The following ABCB7 variants were observed in gnomAD, a reference collection of about 807,000 sequenced individuals.
ABCB7 encodes ATP binding cassette subfamily B member 7, also known as iron-sulfur clusters transporter ABCB7, mitochondrial.
In ABCB7, 7 loss-of-function variants were observed where a neutral mutation model predicts 54.4. The observed-to-expected ratio is 0.13, with a 90% CI of 0.07 to 0.24. The LOEUF (loss-of-function observed/expected upper bound fraction) is 0.24. Ranked by LOEUF, ABCB7 falls within the 10% of genes least tolerant of loss-of-function variation. The probability of loss-of-function intolerance (pLI) is 1.00; values close to 1 mark genes in which losing one functional copy is unlikely to be tolerated. For missense variants in ABCB7, 356 were observed against 570.4 expected, an observed-to-expected ratio of 0.62 and a Z score of 3.83; for synonymous variants, 218 against 207.1, an observed-to-expected ratio of 1.05 and a Z score of -0.45.
chrX:75,125,194 A>C (rs989314931), intron 1 of ABCB7, among the ~76,000 whole-genome samples: 23 of 110,985 alleles, frequency 2.1e-4, no homozygotes, highest in African/African-American at 7.2e-4. Context: ...CATATCCCAA[A>C]CCCCCTGGTT....
chrX:75,124,589 A>T (rs1264551456), intron 1 of ABCB7, among the ~76,000 whole-genome samples: 1 of 112,169 alleles, frequency 8.9e-6, no homozygotes, highest in African/African-American at 3.2e-5. Context: ...ATTAAAAGTT[A>T]AGAAAAAACT....
At chrX:75,063,087 G>A (rs1461945240) in intron 13 of ABCB7, among the ~76,000 whole-genome samples, 2 of 111,473 alleles carry the variant, frequency 1.8e-5, no homozygotes, top group African/African-American at 3.3e-5. Flanking sequence ...CAAGGTCACC[G>A]AGCAAGAATC....
At chrX:75,106,805 G>C (rs995070952) in intron 3 of ABCB7, among the ~76,000 whole-genome samples, 4 of 111,514 alleles carry the variant, frequency 3.6e-5, no homozygotes, top group Non-Finnish European at 7.5e-5. Context: ...AAGGGATGCA[G>C]AGCACGATGG....
intron 15 of ABCB7, among the ~76,000 whole-genome samples, chrX:75,054,390 A>G (rs191241257): frequency 7.1e-4 from 79 of 111,980 alleles, no homozygotes; most frequent in Admixed American, 2.9e-3. Flanking sequence ...CAACACTCAT[A>G]CTATCCCACA....
intron 1 of ABCB7, among the ~76,000 whole-genome samples, chrX:75,153,754 G>A (rs368184202): frequency 5.2e-3 from 54 of 10,316 alleles, no homozygotes; most frequent in Non-Finnish European, 0.012. Context: ...GTGCGTGTGT[G>A]TGTGTGTATA....
At chrX:75,150,489 A>T (rs1483702973) in intron 1 of ABCB7, among the ~76,000 whole-genome samples, 1 of 111,466 alleles carries the variant, frequency 9.0e-6, no homozygotes, top group East Asian at 2.8e-4. Flanking sequence ...GAGCACCAAG[A>T]AAAAAAATGC....
intron 4 of ABCB7, among the ~76,000 whole-genome samples, chrX:75,087,930 A>G (rs2081512303): frequency 8.9e-6 from 1 of 111,966 alleles, no homozygotes; most frequent in African/African-American, 3.2e-5. Context: ...TGCAGTCTCA[A>G]CTCCACTAAT....
chrX:75,113,859 T>C (rs2081784657), intron 2 of ABCB7, among the ~76,000 whole-genome samples: 1 of 112,192 alleles, frequency 8.9e-6, no homozygotes, highest in Non-Finnish European at 1.9e-5. Context: ...TATTGATTTT[T>C]GGATCAATAA....
chrX:75,112,851 T>C, intron 3 of ABCB7, 35 bp downstream of exon 3: 1 of 1,075,746 alleles, frequency 9.3e-7, no homozygotes, highest in Non-Finnish European at 1.3e-6. Flanking sequence ...AGGACAATCA[T>C]CAAGAATTTC....
At chrX:75,089,892 GA>G (rs1448666259) in intron 4 of ABCB7, among the ~76,000 whole-genome samples, 3 of 110,370 alleles carry the variant, frequency 2.7e-5, no homozygotes, top group African/African-American at 9.8e-5. Context: ...GTAAACGGAT[GA>G]AGAAATATAC....
At chrX:75,143,651 A>G (rs1314759112) in intron 1 of ABCB7, among the ~76,000 whole-genome samples, 2 of 111,523 alleles carry the variant, frequency 1.8e-5, no homozygotes, top group Non-Finnish European at 3.8e-5. Context: ...TTACAGTTCT[A>G]TATGGTGGAG....
intron 13 of ABCB7, among the ~76,000 whole-genome samples, chrX:75,062,911 C>T (rs1015985077): frequency 1.3e-4 from 14 of 111,468 alleles, no homozygotes; most frequent in African/African-American, 4.6e-4. Context: ...CCAGTATTCT[C>T]AAGGATTGTT....
At chrX:75,053,666 T>C in intron 15 of ABCB7, 81 bp from the exon 16 acceptor site, 1 of 1,141,639 alleles carries the variant, frequency 8.8e-7, no homozygotes, top group Non-Finnish European at 1.2e-6. Context: ...ACTTTCTAAC[T>C]AAGGAGTTTG....
intron 1 of ABCB7, 87 bp downstream of exon 1, chrX:75,156,018 C>T (rs774686319): frequency 3.8e-5 from 40 of 1,061,949 alleles, no homozygotes; most frequent in Non-Finnish European, 5.2e-5. Flanking sequence ...TCTTGGTGCT[C>T]TCTCTGCCCC....
intron 4 of ABCB7, among the ~76,000 whole-genome samples, chrX:75,076,943 G>A (rs1451240324): frequency 9.0e-6 from 1 of 111,301 alleles, no homozygotes; most frequent in Non-Finnish European, 1.9e-5. Context: ...CAAAAATGCT[G>A]TCTCCATTAT....
chrX:75,146,255 T>G (rs1408149512), intron 1 of ABCB7, among the ~76,000 whole-genome samples: 1 of 112,149 alleles, frequency 8.9e-6, no homozygotes, highest in African/African-American at 3.2e-5. Flanking sequence ...AATTTATAGA[T>G]TCAATGCTAC....
At chrX:75,077,755 T>C (rs2081422239) in intron 4 of ABCB7, among the ~76,000 whole-genome samples, 1 of 111,317 alleles carries the variant, frequency 9.0e-6, no homozygotes, top group African/African-American at 3.3e-5. Flanking sequence ...ACAGCACATG[T>C]TGGGATGCTT....
intron 3 of ABCB7, among the ~76,000 whole-genome samples, chrX:75,107,102 G>A (rs1469265323): frequency 9.0e-6 from 1 of 111,278 alleles, no homozygotes; most frequent in African/African-American, 3.3e-5. Flanking sequence ...ACTCAGTGCT[G>A]TCCTGTTAGA....
At chrX:75,074,275 A>G (rs774660787) in intron 6 of ABCB7, among the ~76,000 whole-genome samples, 83 of 111,746 alleles carry the variant, frequency 7.4e-4, no homozygotes, top group African/African-American at 2.6e-3. Context: ...TAATCATTAG[A>G]GAAATGCAAA....
Sources: allele counts gnomAD v4.1 joint callset (sites outside exome capture counted in the v4.1 genomes callset), GRCh38; gene constraint gnomAD v4.1.1; transcripts MANE v1.5; gene names NCBI Gene and HGNC (gene_info 2026-07-23, HGNC 2026-07-21).